The following CDK6 variants were observed in gnomAD, a reference collection of about 807,000 sequenced individuals.
The protein encoded by CDK6 is cyclin dependent kinase 6.
A neutral mutation model predicts 37.1 loss-of-function variants in CDK6; 6 were observed. That is an observed-to-expected ratio of 0.16 (90% CI 0.09 to 0.32). The LOEUF (loss-of-function observed/expected upper bound fraction) is 0.32, where lower values mean the gene tolerates loss of function less well. CDK6 is among the 10% of genes least tolerant of loss of function. CDK6 has a pLI of 1.00. For missense variants in CDK6, 224 were observed against 418.9 expected, an observed-to-expected ratio of 0.53 and a Z score of 4.06; for synonymous variants, 160 against 161.3, an observed-to-expected ratio of 0.99 and a Z score of 0.06.
At chr7:92,798,060 AATG>A (rs771151456) in intron 2 of CDK6, among the ~76,000 whole-genome samples, 2 of 152,218 alleles carry the variant, frequency 1.3e-5, no homozygotes, top group African/African-American at 2.4e-5. Flanking sequence ...ACTCGTCCTG[AATG>A]ATGACTTGAC....
At chr7:92,620,362 T>A (rs1562912606) in intron 6 of CDK6, among the ~76,000 whole-genome samples, 2 of 152,224 alleles carry the variant, frequency 1.3e-5, no homozygotes, top group Non-Finnish European at 2.9e-5. Flanking sequence ...CAGGTGTTAT[T>A]AGTCTCATTT....
chr7:92,638,201 T>C (rs1000276964), intron 5 of CDK6, among the ~76,000 whole-genome samples: 2 of 152,240 alleles, frequency 1.3e-5, no homozygotes, highest in Admixed American at 6.5e-5. Context: ...AATAAACTTT[T>C]AGTATATCTT....
At chr7:92,798,426 A>C (rs777661971) in intron 2 of CDK6, among the ~76,000 whole-genome samples, 6 of 152,220 alleles carry the variant, frequency 3.9e-5, no homozygotes, top group Non-Finnish European at 8.8e-5. Context: ...TTCAACTCTA[A>C]GTTAACATTT....
intron 4 of CDK6, among the ~76,000 whole-genome samples, chr7:92,673,060 T>C (rs1797126681): frequency 6.6e-6 from 1 of 152,236 alleles, no homozygotes; most frequent in South Asian, 2.1e-4. Flanking sequence ...GCCTTTTCTC[T>C]TGAGATGCTA....
In CDK6 at chr7:92,613,660, T is replaced by C. The variant is rs565153342; in HGVS notation, c.*1480A>G. ...AGAAAAGATCATTTGATAGAGTAAA[T>C]GTATGGCCCTAAAACATAGCTAAAG... On this transcript the variant is annotated 3_prime_UTR_variant, in exon 8 of 8. Coordinates refer to ENST00000424848, the MANE Select transcript of CDK6 (RefSeq NM_001145306.2). 1 of 233,206 alleles carries C rather than the reference T, an allele frequency of 4.3e-6. No homozygotes were observed. Among genetic ancestry groups the C allele is most frequent in the Admixed American group, 5.6e-5 (1 of 17,796 alleles). The allele number at this position is 233,206 out of a possible 1,614,324, so 14.4% of individuals were successfully genotyped here.
At chr7:92,748,461 A>T (rs1411312139) in intron 3 of CDK6, among the ~76,000 whole-genome samples, 2 of 152,200 alleles carry the variant, frequency 1.3e-5, no homozygotes, top group Non-Finnish European at 2.9e-5. Flanking sequence ...AAGCACATGG[A>T]CGTAACTAGA....
rs759326814 is a variant in CDK6, at chr7:92,613,772, G to T, written c.*1368C>A. 1 of 233,080 alleles carries T rather than the reference G, an allele frequency of 4.3e-6. No individual in the cohort carries two copies. The highest frequency in any genetic ancestry group is 8.5e-6 in the Non-Finnish European group (1 of 118,008). 14.4% of individuals were successfully genotyped at this position (233,080 alleles called of 1,614,324 possible). A position where few individuals can be genotyped will look rare whatever the true frequency, so the allele number is the denominator to read the frequency against. On this transcript the variant is annotated 3_prime_UTR_variant, in exon 8 of 8. Coordinates refer to ENST00000424848, the MANE Select transcript of CDK6 (RefSeq NM_001145306.2). ...AGTTTATAGCAATCTGTGTGCTGGT[G>T]ATAAAACAAAACAAGATCCTACTCA...
chr7:92,779,757 A>G (rs548131439), intron 2 of CDK6, among the ~76,000 whole-genome samples: 6 of 152,304 alleles, frequency 3.9e-5, no homozygotes, highest in African/African-American at 1.2e-4. Context: ...ATTATGTCTG[A>G]TTAATGGTTA....
chr7:92,691,569 G>A (rs907732651), intron 4 of CDK6, among the ~76,000 whole-genome samples: 2 of 152,072 alleles, frequency 1.3e-5, no homozygotes, highest in African/African-American at 4.8e-5. Context: ...TTATTATTCA[G>A]AATCAGAGGG....
At chr7:92,797,046 TG>T in intron 2 of CDK6, among the ~76,000 whole-genome samples, 1 of 152,306 alleles carries the variant, frequency 6.6e-6, no homozygotes, top group Admixed American at 6.5e-5. Context: ...TAGGCTGTGA[TG>T]ACAACTAAAC....
chr7:92,768,962 C>G (rs1003358610), intron 3 of CDK6, among the ~76,000 whole-genome samples: 1 of 152,148 alleles, frequency 6.6e-6, no homozygotes, highest in Admixed American at 6.5e-5. Flanking sequence ...CTTTCCTCAT[C>G]TGCAGTACAG....
rs1286057396 is a variant in CDK6 at position 92,758,585 on chromosome 7, CTTTTT to C, written c.369+16106_369+16110del. Among the ~76,000 whole-genome samples the C allele has an allele frequency of 5.5e-4, 83 of 152,190 alleles. 1 individual carries two copies. The South Asian group carries it at 0.017, about 31-fold the overall frequency. On this transcript the variant is annotated intron_variant, in intron 3 of 7. Transcript: ENST00000424848. ...GTAGCATGATGCCTCCAGCTTTGTT[CTTTTT>C]GCTTAGGATTGCCTTGGCTATTCAG... is the stretch of plus-strand genomic sequence containing the variant.
Position 92,609,324 on chromosome 7 carries a change from C to G in CDK6, c.*5816G>C. On this transcript the variant is annotated 3_prime_UTR_variant, in exon 8 of 8. Transcript: ENST00000424848. ...CTTAATCATTTGGGGTATAAGAAGTCTTTAAGTAGACTTGTAAATTTAAAA... is the reference window on the plus strand; with the variant it reads ...CTTAATCATTTGGGGTATAAGAAGTGTTTAAGTAGACTTGTAAATTTAAAA... 1 of 232,166 alleles carries G rather than the reference C, an allele frequency of 4.3e-6. No homozygotes were observed. Among genetic ancestry groups the G allele is most frequent in the East Asian group, 6.1e-5 (1 of 16,396 alleles). 14.4% of individuals were successfully genotyped at this position (232,166 alleles called of 1,614,324 possible). A position where few individuals can be genotyped will look rare whatever the true frequency, so the allele number is the denominator to read the frequency against.
intron 3 of CDK6, among the ~76,000 whole-genome samples, chr7:92,731,770 T>C (rs1798656629): frequency 1.3e-5 from 2 of 151,706 alleles, no homozygotes; most frequent in Admixed American, 6.6e-5. Flanking sequence ...AAAAAGATAA[T>C]AAGTCATTTC....
rs940122310 is a variant in CDK6, at chr7:92,755,297, C to T, written c.369+19399G>A. Among the ~76,000 whole-genome samples the T allele has an allele frequency of 1.9e-4, 29 of 151,924 alleles. 1 individual carries two copies. ...TATCCACTTGTTTAACCTCGGGGAA[C>T]GTCTGGAGGGGACCCAGTGCCACAA... On this transcript the variant is annotated intron_variant, in intron 3 of 7. Coordinates refer to ENST00000424848, the MANE Select transcript of CDK6 (RefSeq NM_001145306.2).
intron 2 of CDK6, among the ~76,000 whole-genome samples, chr7:92,782,221 T>A (rs890226312): frequency 6.6e-6 from 1 of 152,240 alleles, no homozygotes; most frequent in Non-Finnish European, 1.5e-5. Context: ...TAATGATGTA[T>A]GGCTATGTAT....
At chr7:92,635,515 A>G (rs1585354589) in intron 5 of CDK6, among the ~76,000 whole-genome samples, 1 of 152,194 alleles carries the variant, frequency 6.6e-6, no homozygotes, top group Non-Finnish European at 1.5e-5. Flanking sequence ...ATAATAAACC[A>G]TGTGAATGAA....
chr7:92,688,369 C>G (rs1207377741), intron 4 of CDK6, among the ~76,000 whole-genome samples: 1 of 152,040 alleles, frequency 6.6e-6, no homozygotes, highest in Admixed American at 6.6e-5. Context: ...ACTAACTGGA[C>G]TTTCTTGGTA....
chr7:92,778,034 T>A (rs554305698), intron 2 of CDK6, among the ~76,000 whole-genome samples: 20 of 152,038 alleles, frequency 1.3e-4, no homozygotes, highest in African/African-American at 4.8e-4. Flanking sequence ...ATTTCTGGGC[T>A]TTATGGACCC....
Sources: gnomAD v4.1 joint callset for allele counts (sites outside exome capture counted in the v4.1 genomes callset) on GRCh38, gnomAD v4.1.1 for gene constraint, MANE v1.5 for transcripts, NCBI Gene and HGNC (gene_info 2026-07-23, HGNC 2026-07-21) for gene names.